The following GRIA4 variants were observed in gnomAD, a reference collection of about 807,000 sequenced individuals.
GRIA4 encodes the protein glutamate ionotropic receptor AMPA type subunit 4, also known as glutamate receptor 4.
A neutral mutation model predicts 104.0 loss-of-function variants in GRIA4; 34 were observed. The ratio of observed to expected loss-of-function variants is 0.33; its 90% CI spans 0.25 to 0.44. The LOEUF is 0.44. GRIA4 is among the 20% of genes least tolerant of loss of function. GRIA4 has a pLI of 1.00. For synonymous variants in GRIA4, 386 were observed against 381.9 expected (o/e 1.01, Z -0.13); for missense variants, 750 against 1,096.5 (o/e 0.68, Z 4.46).
chr11:105,919,635 C>T (rs979504311), intron 11 of GRIA4, among the ~76,000 whole-genome samples: 27 of 152,086 alleles, frequency 1.8e-4, no homozygotes, highest in Admixed American at 1.3e-4. Context: ...ATGTTCCTGC[C>T]TGAATCAGAG....
intron 4 of GRIA4, among the ~76,000 whole-genome samples, chr11:105,821,327 G>A (rs1246794984): frequency 2.0e-5 from 3 of 152,028 alleles, no homozygotes; most frequent in Non-Finnish European, 4.4e-5. Context: ...TGTAGGAGGG[G>A]GTATTAGGTC....
intron 3 of GRIA4, among the ~76,000 whole-genome samples, chr11:105,712,407 A>G (rs1297810865): frequency 6.6e-6 from 1 of 151,992 alleles, no homozygotes; most frequent in African/African-American, 2.4e-5. Context: ...CTATCTATAT[A>G]TAGATATAGA....
At chr11:105,637,139 T>C (rs11226814) in intron 3 of GRIA4, among the ~76,000 whole-genome samples, 49,427 of 151,946 alleles carry the variant, frequency 0.33, 8,604 homozygotes, top group Admixed American at 0.46. Context: ...AAAATAACCA[T>C]TTAAAAATAG....
chr11:105,862,077 G>C lies in GRIA4; in HGVS notation c.541G>C (p.Val181Leu), dbSNP rs1945245469. 1.2e-6 allele frequency: 2 copies of C among 1,612,158 alleles called. No individual in the cohort carries two copies. Among genetic ancestry groups the C allele is most frequent in the African/African-American group, 1.3e-5 (1 of 74,856 alleles). Residue 181 changes from valine (V) to leucine (L), a missense_variant, in exon 5 of 17, where the codon GTC becomes CTC. By Grantham distance (32) the Val-to-Leu change is conservative (BLOSUM62 1). Coordinates refer to ENST00000282499, the MANE Select transcript of GRIA4 (RefSeq NM_000829.4). ...AAAAGCAGGACAAAATGGTTGGCAT[G>C]TCAGCGCTATATGTGTGGAAAATTT... The part of the protein sequence containing the change: ...MEKAGQNGWH[V>L]SAICVENFND...
At chr11:105,808,877 T>C (rs1384545850) in intron 4 of GRIA4, among the ~76,000 whole-genome samples, 3 of 152,132 alleles carry the variant, frequency 2.0e-5, no homozygotes, top group African/African-American at 7.2e-5. Flanking sequence ...AGTGTAGAAT[T>C]TAATGAATTC....
intron 4 of GRIA4, among the ~76,000 whole-genome samples, chr11:105,811,887 A>T (rs1484124638): frequency 6.6e-6 from 1 of 152,138 alleles, no homozygotes; most frequent in Non-Finnish European, 1.5e-5. Flanking sequence ...TCTGGGCTCG[A>T]ATTCACAAAG....
chr11:105,789,850 A>C (rs556164951), intron 4 of GRIA4, among the ~76,000 whole-genome samples: 1 of 152,292 alleles, frequency 6.6e-6, no homozygotes, highest in African/African-American at 2.4e-5. Context: ...GATCAAAAGA[A>C]GCAGCACCAA....
intron 9 of GRIA4, among the ~76,000 whole-genome samples, chr11:105,906,660 C>A (rs200919741): frequency 6.6e-6 from 1 of 152,128 alleles, no homozygotes; most frequent in Admixed American, 6.6e-5. Flanking sequence ...CCAGCTAATA[C>A]GTGGTAAGCT....
intron 3 of GRIA4, among the ~76,000 whole-genome samples, chr11:105,726,078 G>T (rs1027941261): frequency 2.0e-5 from 3 of 152,112 alleles, no homozygotes; most frequent in Admixed American, 6.5e-5. Context: ...TGAAGCCAGG[G>T]AGCCAAGTGG....
chr11:105,799,528 C>T lies in GRIA4; in HGVS notation c.487+46308C>T, dbSNP rs559035046. On this transcript the variant is annotated intron_variant, in intron 4 of 16. Coordinates refer to ENST00000282499, the MANE Select transcript of GRIA4 (RefSeq NM_000829.4). ...AGAGGAGAGACTATCTGGAAATGTT[C>T]TTTAGTAGATAATAGCAGATGGAAC... Among the ~76,000 whole-genome samples the T allele has an allele frequency of 5.4e-3, 820 of 152,078 alleles. 7 individuals carry two copies. The highest frequency in any genetic ancestry group is 9.7e-3 in the Non-Finnish European group (658 of 67,972).
chr11:105,828,899 C>G (rs1943872644), intron 4 of GRIA4, among the ~76,000 whole-genome samples: 1 of 151,940 alleles, frequency 6.6e-6, no homozygotes, highest in Admixed American at 6.6e-5. Flanking sequence ...TGAAGCACTC[C>G]AAATATTCAG....
intron 11 of GRIA4, among the ~76,000 whole-genome samples, chr11:105,920,102 G>A (rs1591446043): frequency 6.6e-6 from 1 of 152,166 alleles, no homozygotes; most frequent in South Asian, 2.1e-4. Context: ...GTACAGTAAA[G>A]CAGCTAAAAC....
intron 4 of GRIA4, 63 bp from the exon 5 acceptor site, chr11:105,861,960 AC>A: frequency 1.1e-6 from 1 of 945,234 alleles, no homozygotes; most frequent in South Asian, 1.4e-5. Context: ...TAGGCTCAGT[AC>A]CTGCATACAT....
intron 3 of GRIA4, among the ~76,000 whole-genome samples, chr11:105,663,569 G>A (rs577054119): frequency 6.6e-6 from 1 of 152,056 alleles, no homozygotes; most frequent in Non-Finnish European, 1.5e-5. Context: ...AGGGAATAGG[G>A]AAAGGCTTTG....
At chr11:105,635,686 C>T (rs1274080188) in intron 3 of GRIA4, among the ~76,000 whole-genome samples, 2 of 152,158 alleles carry the variant, frequency 1.3e-5, no homozygotes, top group Non-Finnish European at 2.9e-5. Flanking sequence ...CACCTCTGAG[C>T]ATCCCAACCA....
chr11:105,610,674 C>G (rs1165854998), intron 1 of GRIA4: 7 of 290,652 alleles, frequency 2.4e-5, no homozygotes, highest in Non-Finnish European at 4.6e-5. Context: ...CATGTCTCAT[C>G]CCTGCGAGCA....
At chr11:105,804,983 T>C (rs896741771) in intron 4 of GRIA4, among the ~76,000 whole-genome samples, 2 of 151,962 alleles carry the variant, frequency 1.3e-5, no homozygotes, top group Non-Finnish European at 2.9e-5. Context: ...CTTTGGAGAA[T>C]CTCTGTATCC....
At chr11:105,807,619 G>A (rs1943003871) in intron 4 of GRIA4, among the ~76,000 whole-genome samples, 1 of 151,858 alleles carries the variant, frequency 6.6e-6, no homozygotes, top group African/African-American at 2.4e-5. Context: ...CATTAGCAGT[G>A]TGTTTTGATG....
At chr11:105,731,642 T>A (rs1938595135) in intron 3 of GRIA4, among the ~76,000 whole-genome samples, 1 of 152,068 alleles carries the variant, frequency 6.6e-6, no homozygotes, top group African/African-American at 2.4e-5. Flanking sequence ...CTCATCATTG[T>A]TAGAATGGAT....
Sources: gnomAD v4.1 joint callset for allele counts (sites outside exome capture counted in the v4.1 genomes callset) on GRCh38, gnomAD v4.1.1 for gene constraint, MANE v1.5 for transcripts, NCBI Gene and HGNC (gene_info 2026-07-23, HGNC 2026-07-21) for gene names.